The following FAM169A variants were observed in gnomAD, a reference collection of about 807,000 sequenced individuals.
FAM169A encodes family with sequence similarity 169 member A.
A neutral mutation model predicts 75.7 loss-of-function variants in FAM169A; 24 were observed. That is an observed-to-expected ratio of 0.32 (90% CI 0.23 to 0.45). The LOEUF is 0.45. FAM169A is among the 20% of genes least tolerant of loss of function. The probability of loss-of-function intolerance (pLI) is 1.00; values close to 1 mark genes in which losing one functional copy is unlikely to be tolerated. For missense variants in FAM169A, 673 were observed against 784.0 expected, an observed-to-expected ratio of 0.86 and a Z score of 1.69; for synonymous variants, 271 against 271.0, an observed-to-expected ratio of 1.00 and a Z score of 0.00.
intron 12 of FAM169A, among the ~76,000 whole-genome samples, chr5:74,782,288 A>G (rs1215243254): frequency 2.6e-5 from 4 of 152,182 alleles, no homozygotes; most frequent in African/African-American, 7.2e-5. Context: ...TAAGCTTCAT[A>G]TCAAGATTCT....
At chr5:74,806,117 G>C (rs1746870344) in intron 6 of FAM169A, among the ~76,000 whole-genome samples, 3 of 151,958 alleles carry the variant, frequency 2.0e-5, no homozygotes, top group Admixed American at 2.0e-4. Context: ...CATAGTAATT[G>C]AAACAACCTA....
At chr5:74,806,255 C>T (rs1746877633) in intron 6 of FAM169A, among the ~76,000 whole-genome samples, 1 of 152,144 alleles carries the variant, frequency 6.6e-6, no homozygotes, top group African/African-American at 2.4e-5. Flanking sequence ...AAGAACCACA[C>T]GTACACTACA....
intron 10 of FAM169A, among the ~76,000 whole-genome samples, chr5:74,797,658 C>A (rs1046293164): frequency 2.6e-5 from 4 of 152,168 alleles, no homozygotes; most frequent in Non-Finnish European, 5.9e-5. Context: ...TCTTTAGTTG[C>A]ACTAGCCATA....
intron 1 of FAM169A, among the ~76,000 whole-genome samples, chr5:74,862,196 C>A (rs956011266): frequency 6.6e-6 from 1 of 152,200 alleles, no homozygotes; most frequent in Non-Finnish European, 1.5e-5. Context: ...TTGGAATGCT[C>A]TTCCTAAAAA....
intron 11 of FAM169A, 37 bp from the exon 12 acceptor site, chr5:74,783,171 G>C (rs1389374871): frequency 6.8e-7 from 1 of 1,464,230 alleles, no homozygotes; most frequent in Non-Finnish European, 9.5e-7. Context: ...GTAAGGACAT[G>C]ATTACAAACT....
At chr5:74,809,659 G>T (rs1478142115) in intron 6 of FAM169A, among the ~76,000 whole-genome samples, 3 of 152,046 alleles carry the variant, frequency 2.0e-5, no homozygotes, top group Non-Finnish European at 4.4e-5. Flanking sequence ...ATAAGCAAAA[G>T]ATGTGAACAA....
At chr5:74,794,909 A>G (rs1746189036) in intron 11 of FAM169A, among the ~76,000 whole-genome samples, 1 of 152,176 alleles carries the variant, frequency 6.6e-6, no homozygotes, top group Non-Finnish European at 1.5e-5. Flanking sequence ...GAGCTGACAT[A>G]ACATATGTCA....
At chr5:74,802,667 T>C (rs1746650686) in intron 8 of FAM169A, among the ~76,000 whole-genome samples, 1 of 152,164 alleles carries the variant, frequency 6.6e-6, no homozygotes, top group Non-Finnish European at 1.5e-5. Context: ...AGTTCTCCCA[T>C]GTCTAAGAAC....
At chr5:74,866,687 A>C (rs1750367847), upstream of FAM169A, 1 of 943,324 alleles carries the variant, frequency 1.1e-6, no homozygotes, top group East Asian at 1.2e-4. Flanking sequence ...CTTAGATATA[A>C]AAATAGATGC....
intron 11 of FAM169A, among the ~76,000 whole-genome samples, chr5:74,790,190 T>C (rs1251618507): frequency 6.6e-6 from 1 of 152,146 alleles, no homozygotes; most frequent in African/African-American, 2.4e-5. Flanking sequence ...TTCCCTATAA[T>C]CAGCTGACAG....
chr5:74,854,145 G>C (rs1228696885), intron 1 of FAM169A, among the ~76,000 whole-genome samples: 1 of 152,066 alleles, frequency 6.6e-6, no homozygotes, highest in African/African-American at 2.4e-5. Context: ...TGTAATCCCA[G>C]CACTTTGGGA....
chr5:74,854,986 T>C (rs891934156), intron 1 of FAM169A, among the ~76,000 whole-genome samples: 14 of 152,176 alleles, frequency 9.2e-5, no homozygotes, highest in African/African-American at 2.9e-4. Flanking sequence ...AGCAGTGGGA[T>C]TGCTGGATTA....
chr5:74,866,713 G>T, upstream of FAM169A: 6 of 977,804 alleles, frequency 6.1e-6, no homozygotes, highest in Non-Finnish European at 7.3e-6. Flanking sequence ...AGCCGCGGGG[G>T]CTGCAACGCT....
At chr5:74,865,435 G>A (rs1260580339) in intron 1 of FAM169A, 2 of 152,122 alleles carry the variant, frequency 1.3e-5, no homozygotes, top group African/African-American at 2.4e-5. Flanking sequence ...CTTCCCAGAC[G>A]CTGAAAAGCC....
chr5:74,827,339 C>T (rs1234654576), intron 5 of FAM169A, among the ~76,000 whole-genome samples: 4 of 152,084 alleles, frequency 2.6e-5, no homozygotes, highest in South Asian at 2.1e-4. Context: ...TATTCCTTAA[C>T]AGTTTTACAC....
chr5:74,831,302 G>A (rs1045363785), intron 5 of FAM169A, among the ~76,000 whole-genome samples: 1 of 152,072 alleles, frequency 6.6e-6, no homozygotes, highest in Non-Finnish European at 1.5e-5. Flanking sequence ...TTTGTCTTAC[G>A]ATAATTTCTG....
At chr5:74,831,113 T>C (rs1484831086) in intron 5 of FAM169A, among the ~76,000 whole-genome samples, 1 of 152,108 alleles carries the variant, frequency 6.6e-6, no homozygotes, top group Non-Finnish European at 1.5e-5. Flanking sequence ...TCCCCACTTC[T>C]AACCACAGAA....
chr5:74,851,425 G>C (rs569216403), intron 1 of FAM169A, among the ~76,000 whole-genome samples: 1 of 152,260 alleles, frequency 6.6e-6, no homozygotes, highest in South Asian at 2.1e-4. Context: ...TATTTCAAAG[G>C]TGCTCAACAG....
intron 10 of FAM169A, among the ~76,000 whole-genome samples, chr5:74,796,620 G>A (rs1341805871): frequency 6.6e-6 from 1 of 151,760 alleles, no homozygotes; most frequent in Non-Finnish European, 1.5e-5. Context: ...TAGCCAGGAT[G>A]GTCTCCACCT....
Sources: allele counts gnomAD v4.1 joint callset (sites outside exome capture counted in the v4.1 genomes callset), GRCh38; gene constraint gnomAD v4.1.1; transcripts MANE v1.5; gene names NCBI Gene and HGNC (gene_info 2026-07-23, HGNC 2026-07-21).